The following CDH10 variants were observed in gnomAD, a reference collection of about 807,000 sequenced individuals.
CDH10 encodes cadherin 10.
In CDH10, 30 loss-of-function variants were observed where a neutral mutation model predicts 73.1. That is an observed-to-expected ratio of 0.41 (90% CI 0.31 to 0.56). The LOEUF (loss-of-function observed/expected upper bound fraction) is 0.56, where lower values mean the gene tolerates loss of function less well. Ranked by LOEUF, CDH10 falls within the 20% of genes least tolerant of loss-of-function variation. CDH10 has a pLI of 0.27. For synonymous variants in CDH10, 345 were observed against 348.2 expected (o/e 0.99, Z 0.10); for missense variants, 815 against 973.7 (o/e 0.84, Z 2.17).
At chr5:24,626,893 T>C (rs1217205402) in intron 1 of CDH10, among the ~76,000 whole-genome samples, 3 of 148,260 alleles carry the variant, frequency 2.0e-5, no homozygotes, top group Non-Finnish European at 4.5e-5. Flanking sequence ...TATATGTGTA[T>C]ATATGTGTAT....
chr5:24,559,555 G>T (rs1289991503), intron 2 of CDH10, among the ~76,000 whole-genome samples: 1 of 151,934 alleles, frequency 6.6e-6, no homozygotes, highest in Non-Finnish European at 1.5e-5. Context: ...AGAGAAAATT[G>T]AAAATGTTTT....
chr5:24,499,870 A>T (rs1561124763), intron 8 of CDH10, among the ~76,000 whole-genome samples: 1 of 152,200 alleles, frequency 6.6e-6, no homozygotes, highest in Admixed American at 6.5e-5. Context: ...TTTTAAATTC[A>T]GTTTACATTC....
chr5:24,544,251 G>A (rs146444817), intron 2 of CDH10, among the ~76,000 whole-genome samples: 43 of 152,128 alleles, frequency 2.8e-4, no homozygotes, highest in South Asian at 1.2e-3. Flanking sequence ...CCAAGATCAC[G>A]CCACTGCACT....
chr5:24,602,372 G>T (rs1388033051), intron 1 of CDH10, among the ~76,000 whole-genome samples: 1 of 152,110 alleles, frequency 6.6e-6, no homozygotes, highest in African/African-American at 2.4e-5. Context: ...GGACCATTAA[G>T]CCACAATCTG....
At chr5:24,519,190 C>A (rs1233806029) in intron 5 of CDH10, among the ~76,000 whole-genome samples, 4 of 152,064 alleles carry the variant, frequency 2.6e-5, no homozygotes, top group African/African-American at 9.6e-5. Flanking sequence ...TGTGCCCAGC[C>A]CACATGCAAA....
Position 24,487,862 on chromosome 5 carries a change from A to G in CDH10, c.2168T>C (p.Leu723Pro), listed in dbSNP as rs763423183. ...FINERLKEHD[L>P]DPTAPPYDSL... is the part of the protein sequence containing the mutation. ...GTCGTAGGGGGGTGCGGTGGGGTCA[A>G]GATCATGCTCTTTTAGCCTTTCATT... is the stretch of plus-strand genomic sequence containing the variant. The change falls in exon 12 of 12, where the codon CTT (leucine) becomes CCT (proline). Residue 723 changes from leucine to proline, a missense_variant. This residue lies in a region of CDH10 where 241 missense variants were observed against 240.3 expected (regional missense o/e 1.00). Transcript: ENST00000264463. 1 of 1,613,916 alleles carries G rather than the reference A, an allele frequency of 6.2e-7. No homozygotes were observed.
At chr5:24,594,207 T>A (rs1746295001) in intron 1 of CDH10, among the ~76,000 whole-genome samples, 1 of 151,892 alleles carries the variant, frequency 6.6e-6, no homozygotes, top group African/African-American at 2.4e-5. Flanking sequence ...CACCTAGAGT[T>A]TCCTTGAGTA....
At chr5:24,505,398 C>T (rs893124389) in intron 7 of CDH10, 150 bp from the exon 8 acceptor site, 5 of 666,288 alleles carry the variant, frequency 7.5e-6, no homozygotes, top group African/African-American at 5.5e-5. Context: ...ATGACTTTTC[C>T]TAGTTGCACA....
At chr5:24,500,382 C>T (rs1172984907) in intron 8 of CDH10, among the ~76,000 whole-genome samples, 1 of 152,194 alleles carries the variant, frequency 6.6e-6, no homozygotes, top group Non-Finnish European at 1.5e-5. Flanking sequence ...AAAATGCATC[C>T]TTTCTTCACC....
At chr5:24,620,640 C>G (rs1354035137) in intron 1 of CDH10, among the ~76,000 whole-genome samples, 9 of 152,252 alleles carry the variant, frequency 5.9e-5, no homozygotes, top group Admixed American at 4.6e-4. Flanking sequence ...TTGTACTTTT[C>G]TGGCCTTTAT....
chr5:24,562,900 T>C (rs1011119559), intron 2 of CDH10, among the ~76,000 whole-genome samples: 1 of 152,226 alleles, frequency 6.6e-6, no homozygotes, highest in African/African-American at 2.4e-5. Flanking sequence ...CTCAACCATT[T>C]GACAGCAAGT....
chr5:24,622,191 G>A (rs1288406836), intron 1 of CDH10, among the ~76,000 whole-genome samples: 1 of 152,170 alleles, frequency 6.6e-6, no homozygotes, highest in Non-Finnish European at 1.5e-5. Flanking sequence ...TTCAGAAAAT[G>A]TCAGCACAAA....
chr5:24,571,941 G>C (rs1745398108), intron 2 of CDH10, among the ~76,000 whole-genome samples: 1 of 149,824 alleles, frequency 6.7e-6, no homozygotes, highest in Non-Finnish European at 1.5e-5. Flanking sequence ...CCATTGCTAT[G>C]TATGTTTTAC....
rs1040094653 is a variant in CDH10, at chr5:24,592,491, A to G, written c.231+769T>C. Among the ~76,000 whole-genome samples, 6 of 151,838 alleles carry G rather than the reference A, an allele frequency of 4.0e-5. No homozygotes were observed. In the East Asian group the frequency reaches 1.2e-3, roughly 29 times the overall value. The stretch of plus-strand genomic sequence containing the variant: ...GTCAACTAAGCCTTTATCTAACTTC[A>G]ATTAGATTCAGATAGCGTCAAGAAA... On this transcript the variant is annotated intron_variant, in intron 2 of 11. Coordinates refer to ENST00000264463, the MANE Select transcript of CDH10 (RefSeq NM_006727.5).
At chr5:24,592,476 C>A (rs1159074466) in intron 2 of CDH10, among the ~76,000 whole-genome samples, 2 of 151,652 alleles carry the variant, frequency 1.3e-5, no homozygotes, top group African/African-American at 2.4e-5. Flanking sequence ...GTCAACTAAG[C>A]CTTTATCTAA....
At chr5:24,601,287 G>A (rs2112117542) in intron 1 of CDH10, among the ~76,000 whole-genome samples, 1 of 152,216 alleles carries the variant, frequency 6.6e-6, no homozygotes, top group East Asian at 1.9e-4. Flanking sequence ...GACAGATAAG[G>A]AAACAGTTTA....
chr5:24,537,777 G>T (rs981171698), intron 2 of CDH10, 103 bp from the exon 3 acceptor site: 2 of 672,746 alleles, frequency 3.0e-6, no homozygotes, highest in East Asian at 2.7e-5. Flanking sequence ...GAGCAACGGG[G>T]TCGGCTATCC....
intron 1 of CDH10, among the ~76,000 whole-genome samples, chr5:24,627,979 C>A (rs1373826946): frequency 1.3e-5 from 2 of 152,040 alleles, no homozygotes; most frequent in Non-Finnish European, 2.9e-5. Context: ...AAAACTTTGA[C>A]TACTCTTATG....
intron 1 of CDH10, among the ~76,000 whole-genome samples, chr5:24,596,444 C>A (rs1003113967): frequency 1.3e-4 from 19 of 151,812 alleles, no homozygotes; most frequent in Non-Finnish European, 2.1e-4. Context: ...ACAATAACTA[C>A]TAACGGCCGT....
Sources: gnomAD v4.1 joint callset for allele counts (sites outside exome capture counted in the v4.1 genomes callset) on GRCh38, gnomAD v4.1.1 for gene constraint, gnomAD v4.1.1 regional missense constraint, MANE v1.5 for transcripts, NCBI Gene and HGNC (gene_info 2026-07-23, HGNC 2026-07-21) for gene names.